Variants in MGAT4C observed in about 807,000 individuals in gnomAD.
The protein encoded by MGAT4C is MGAT4 family member C.
A neutral mutation model predicts 40.1 loss-of-function variants in MGAT4C; 19 were observed. That is an observed-to-expected ratio of 0.47 (90% CI 0.33 to 0.70). The LOEUF is 0.70. Ranked by LOEUF, MGAT4C falls within the 30% of genes least tolerant of loss-of-function variation. The pLI is 0.02. For synonymous variants in MGAT4C, 181 were observed against 187.1 expected (o/e 0.97, Z 0.27); for missense variants, 491 against 563.2 (o/e 0.87, Z 1.30).
intron 1 of MGAT4C, among the ~76,000 whole-genome samples, chr12:86,215,826 G>A (rs1395819279): frequency 6.6e-6 from 1 of 152,064 alleles, no homozygotes; most frequent in Non-Finnish European, 1.5e-5. Flanking sequence ...GAGAGATCAA[G>A]CAAAGGTACC....
intron 2 of MGAT4C, among the ~76,000 whole-genome samples, chr12:86,644,924 A>G (rs1039615200): frequency 2.6e-5 from 4 of 151,830 alleles, no homozygotes; most frequent in African/African-American, 4.8e-5. Context: ...GTAATGTTCT[A>G]TATTTTGAGT....
Position 86,039,993 on chromosome 12 carries a change from A to T in MGAT4C, c.-7+9681T>A, listed in dbSNP as rs534416125. Among the ~76,000 whole-genome samples the T allele has an allele frequency of 2.9e-4, 44 of 152,228 alleles. 1 individual carries two copies. The South Asian group carries it at 9.1e-3, about 32-fold the overall frequency. ...TCACAGTCACATCCTTCTGCTGCAG[A>T]TCTGCTGGAGTTTGCTGGAAGTCCA... On this transcript the variant is annotated intron_variant, in intron 2 of 4. Coordinates refer to ENST00000611864, the MANE Select transcript of MGAT4C (RefSeq NM_001351288.2).
At chr12:86,265,764 AT>A (rs1952769759) in intron 4 of MGAT4C, among the ~76,000 whole-genome samples, 1 of 152,180 alleles carries the variant, frequency 6.6e-6, no homozygotes, top group South Asian at 2.1e-4. Flanking sequence ...TTTTAATGAT[AT>A]TTGTGTTTCC....
chr12:86,359,537 C>T (rs1955405332), intron 3 of MGAT4C, among the ~76,000 whole-genome samples: 1 of 151,466 alleles, frequency 6.6e-6, no homozygotes, highest in Non-Finnish European at 1.5e-5. Context: ...TCAATGAATC[C>T]ATGAGCTGGT....
chr12:86,146,230 A>G (rs566086131), intron 1 of MGAT4C, among the ~76,000 whole-genome samples: 1 of 152,236 alleles, frequency 6.6e-6, no homozygotes, highest in East Asian at 1.9e-4. Context: ...ATTTTCTTAC[A>G]TGTATATTCT....
chr12:86,622,000 A>G (rs1470459839), intron 2 of MGAT4C, among the ~76,000 whole-genome samples: 3 of 152,146 alleles, frequency 2.0e-5, no homozygotes, highest in African/African-American at 4.8e-5. Context: ...TCTAAAGTGT[A>G]CTGTGTTGCC....
intron 3 of MGAT4C, among the ~76,000 whole-genome samples, chr12:86,394,478 T>A (rs1260575086): frequency 2.1e-5 from 3 of 143,716 alleles, no homozygotes; most frequent in African/African-American, 5.1e-5. Flanking sequence ...ATATACTTTT[T>A]TATATATATA....
At chr12:86,009,471 T>A (rs1888235632) in intron 2 of MGAT4C, among the ~76,000 whole-genome samples, 1 of 152,094 alleles carries the variant, frequency 6.6e-6, no homozygotes, top group African/African-American at 2.4e-5. Context: ...AATCCAAATA[T>A]CTTAGCTATG....
intron 1 of MGAT4C, among the ~76,000 whole-genome samples, chr12:86,146,205 T>C (rs1883491766): frequency 6.6e-6 from 1 of 152,152 alleles, no homozygotes; most frequent in Non-Finnish European, 1.5e-5. Flanking sequence ...CAGGGAGTAG[T>C]GGTAAAATCC....
chr12:86,618,266 G>A (rs1279609939), intron 2 of MGAT4C, among the ~76,000 whole-genome samples: 3 of 152,106 alleles, frequency 2.0e-5, no homozygotes, highest in Admixed American at 6.6e-5. Flanking sequence ...AAATAGTATG[G>A]CGATTTCCCC....
intron 3 of MGAT4C, among the ~76,000 whole-genome samples, chr12:86,403,310 C>T (rs1278288319): frequency 6.6e-6 from 1 of 152,168 alleles, no homozygotes; most frequent in African/African-American, 2.4e-5. Flanking sequence ...GGTCTGTAAC[C>T]ATGTAACGCT....
At chr12:86,619,040 A>C (rs990453373) in intron 2 of MGAT4C, among the ~76,000 whole-genome samples, 1 of 152,084 alleles carries the variant, frequency 6.6e-6, no homozygotes, top group Non-Finnish European at 1.5e-5. Context: ...AACTATTTAC[A>C]TAGAGTTGTA....
chr12:86,200,546 A>G (rs371048687), intron 1 of MGAT4C, among the ~76,000 whole-genome samples: 20 of 152,136 alleles, frequency 1.3e-4, no homozygotes, highest in Admixed American at 1.3e-3. Context: ...TAGGCCTTCT[A>G]GTAGATAAAA....
intron 1 of MGAT4C, among the ~76,000 whole-genome samples, chr12:86,225,298 T>C (rs1413323244): frequency 6.6e-6 from 1 of 151,942 alleles, no homozygotes; most frequent in African/African-American, 2.4e-5. Context: ...TAATCAGTAA[T>C]AAAAAAGTCT....
chr12:86,289,571 C>G lies in MGAT4C; in HGVS notation c.-57+44494G>C, dbSNP rs193074710. Among the ~76,000 whole-genome samples, 290 of 152,222 alleles carry G rather than the reference C, an allele frequency of 1.9e-3. 3 individuals carry two copies. Among genetic ancestry groups the G allele is most frequent in the Admixed American group, 0.018 (279 of 15,292 alleles). ...GTGTTTCCATTTGTTTGTGTCACTT[C>G]TGATGTCTTTCAGCAGTGTTTGGTA... On this transcript the variant is annotated intron_variant, in intron 4 of 7. Transcript: ENST00000548651.
At chr12:86,326,818 T>A (rs1954539646) in intron 4 of MGAT4C, among the ~76,000 whole-genome samples, 1 of 152,050 alleles carries the variant, frequency 6.6e-6, no homozygotes, top group Non-Finnish European at 1.5e-5. Context: ...AAAGGCAAAA[T>A]ATTTTAACTA....
intron 1 of MGAT4C, among the ~76,000 whole-genome samples, chr12:86,122,082 G>A (rs866077989): frequency 6.6e-6 from 1 of 151,980 alleles, no homozygotes; most frequent in African/African-American, 2.4e-5. Flanking sequence ...CATCAAACTC[G>A]AGCTGCTATA....
chr12:86,340,199 GAACAT>G (rs1441200535), intron 3 of MGAT4C, among the ~76,000 whole-genome samples: 1 of 152,024 alleles, frequency 6.6e-6, no homozygotes, highest in Non-Finnish European at 1.5e-5. Flanking sequence ...TCATCTTAAA[GAACAT>G]AACATAATTT....
At chr12:86,173,764 C>T (rs141482920) in intron 1 of MGAT4C, among the ~76,000 whole-genome samples, 232 of 151,832 alleles carry the variant, frequency 1.5e-3, no homozygotes, top group Non-Finnish European at 2.2e-3. Context: ...TAGTTTTGGA[C>T]TGAAAAAAAG....
Sources: allele counts gnomAD v4.1 joint callset (sites outside exome capture counted in the v4.1 genomes callset), GRCh38; gene constraint gnomAD v4.1.1; transcripts MANE v1.5; gene names NCBI Gene and HGNC (gene_info 2026-07-23, HGNC 2026-07-21).